Variants in PCDH9 observed in about 807,000 individuals in gnomAD.
PCDH9 encodes protocadherin 9.
In PCDH9, 24 loss-of-function variants were observed where a neutral mutation model predicts 70.6. That is an observed-to-expected ratio of 0.34 (90% CI 0.25 to 0.48). PCDH9 has a LOEUF of 0.48. Ranked by LOEUF, PCDH9 falls within the 20% of genes least tolerant of loss-of-function variation. The pLI is 0.99. For missense variants in PCDH9, 1,281 were observed against 1,503.6 expected (o/e 0.85, Z 2.45); for synonymous variants, 562 against 558.5 (o/e 1.01, Z -0.09).
intron 4 of PCDH9, among the ~76,000 whole-genome samples, chr13:66,459,874 T>C (rs1038755813): frequency 2.0e-5 from 3 of 151,938 alleles, no homozygotes; most frequent in Admixed American, 6.6e-5. Context: ...ACACAGCTCA[T>C]AACAAAGTGG....
chr13:66,337,217 T>G (rs1451418599), intron 4 of PCDH9, among the ~76,000 whole-genome samples: 2 of 152,038 alleles, frequency 1.3e-5, no homozygotes, highest in Admixed American at 1.3e-4. Context: ...AAAAATAACA[T>G]GAGGTCAAAA....
At chr13:66,894,464 T>C (rs1267285699) in intron 3 of PCDH9, among the ~76,000 whole-genome samples, 2 of 152,310 alleles carry the variant, frequency 1.3e-5, no homozygotes, top group East Asian at 3.9e-4. Context: ...GCATAATTTT[T>C]TTTATTTCAT....
At position 66,452,650 on chromosome 13, in the gene PCDH9, A is replaced by C. The variant is rs974718163; in HGVS notation, c.3341-147622T>G. Among the ~76,000 whole-genome samples the C allele has an allele frequency of 3.3e-5, 5 of 152,084 alleles. No individual in the cohort carries two copies. The East Asian group carries it at 9.7e-4, about 29-fold the overall frequency. The stretch of plus-strand genomic sequence containing the variant: ...CTCAGATTACCAGTTCTATGACACC[A>C]TTCTCCTGAATCCAAGAATGCAATT... On this transcript the variant is annotated intron_variant, in intron 4 of 4. Coordinates refer to ENST00000377865, the MANE Select transcript of PCDH9 (RefSeq NM_203487.3).
At chr13:66,691,705 T>A (rs1377871051) in intron 3 of PCDH9, among the ~76,000 whole-genome samples, 1 of 152,186 alleles carries the variant, frequency 6.6e-6, no homozygotes, top group Non-Finnish European at 1.5e-5. Flanking sequence ...ATTTTTTACC[T>A]ATTGAAATTG....
intron 3 of PCDH9, among the ~76,000 whole-genome samples, chr13:66,717,428 G>A (rs2078879103): frequency 8.6e-6 from 1 of 115,884 alleles, no homozygotes; most frequent in African/African-American, 3.4e-5. Flanking sequence ...CTCCAGCCTG[G>A]GTGACAGAGC....
At chr13:66,740,081 T>G (rs1245638163) in intron 3 of PCDH9, among the ~76,000 whole-genome samples, 2 of 146,992 alleles carry the variant, frequency 1.4e-5, no homozygotes, top group African/African-American at 2.5e-5. Context: ...ATTGACCACA[T>G]AGTTGGAAGT....
chr13:66,500,145 G>A (rs1406177280), intron 4 of PCDH9, among the ~76,000 whole-genome samples: 1 of 152,108 alleles, frequency 6.6e-6, no homozygotes, highest in Admixed American at 6.5e-5. Flanking sequence ...AGATAATATA[G>A]CATTAATAAA....
intron 2 of PCDH9, among the ~76,000 whole-genome samples, chr13:66,958,638 T>A (rs2083298625): frequency 6.6e-6 from 1 of 152,174 alleles, no homozygotes. Context: ...ACTAGGACAG[T>A]CTATTCATTG....
At position 66,965,872 on chromosome 13, in the gene PCDH9, A is replaced by T. The variant is rs534838259; in HGVS notation, c.3037-62267T>A. Among the ~76,000 whole-genome samples, 539 of 152,084 alleles carry T rather than the reference A, an allele frequency of 3.5e-3. 1 individual carries two copies. Among genetic ancestry groups the T allele is most frequent in the Non-Finnish European group, 6.2e-3 (419 of 67,982 alleles). On this transcript the variant is annotated intron_variant, in intron 2 of 4. Transcript: ENST00000377865. ...GTGATGTAAATTCTTATCTAAAAAT[A>T]TTTTATATATATTTCTTTAAAACAT... is the stretch of plus-strand genomic sequence containing the variant.
rs117290009 is a variant in PCDH9, at chr13:66,633,103, A to G, written c.3139-1692T>C. Among the ~76,000 whole-genome samples the G allele has an allele frequency of 4.2e-3, 632 of 152,274 alleles. 19 individuals are homozygous for G. The East Asian group carries it at 0.08, about 19-fold the overall frequency. The stretch of plus-strand genomic sequence containing the variant: ...GGTTCAAATCCAATTCAGAGTCATA[A>G]TGGAGTAGAGATGATATCACTTTAC... On this transcript the variant is annotated intron_variant, in intron 3 of 4. Transcript: ENST00000377865.
intron 4 of PCDH9, among the ~76,000 whole-genome samples, chr13:66,506,944 G>T (rs1959225077): frequency 6.6e-6 from 1 of 152,234 alleles, no homozygotes; most frequent in African/African-American, 2.4e-5. Context: ...CTGGAAGGTT[G>T]TAACAAATGA....
At chr13:66,750,251 A>C (rs547274316) in intron 3 of PCDH9, among the ~76,000 whole-genome samples, 4 of 152,340 alleles carry the variant, frequency 2.6e-5, no homozygotes, top group South Asian at 4.1e-4. Context: ...TCACATTTAA[A>C]ATTAGTTAAT....
intron 3 of PCDH9, among the ~76,000 whole-genome samples, chr13:66,829,409 G>T (rs2080883771): frequency 6.6e-6 from 1 of 152,026 alleles, no homozygotes; most frequent in Non-Finnish European, 1.5e-5. Flanking sequence ...CAAAAAATAT[G>T]GGGACAAAAA....
chr13:67,195,714 T>C (rs2089045731), intron 2 of PCDH9, among the ~76,000 whole-genome samples: 1 of 152,050 alleles, frequency 6.6e-6, no homozygotes, highest in East Asian at 1.9e-4. Context: ...TTAAAAGTAA[T>C]AATAAAAATG....
intron 3 of PCDH9, among the ~76,000 whole-genome samples, chr13:66,674,355 GA>G (rs1174196717): frequency 1.3e-5 from 2 of 151,926 alleles, no homozygotes; most frequent in East Asian, 3.9e-4. Flanking sequence ...AGTATAAACT[GA>G]AAAGAACAAT....
chr13:66,428,805 A>T (rs771240720), intron 4 of PCDH9, among the ~76,000 whole-genome samples: 1 of 151,824 alleles, frequency 6.6e-6, no homozygotes, highest in Non-Finnish European at 1.5e-5. Context: ...TATTTAAATC[A>T]ACAAAAATGG....
chr13:66,747,843 C>T (rs1187490693), intron 3 of PCDH9, among the ~76,000 whole-genome samples: 1 of 152,048 alleles, frequency 6.6e-6, no homozygotes, highest in Non-Finnish European at 1.5e-5. Flanking sequence ...AAAAATATGA[C>T]AATAATTTAT....
At chr13:67,016,730 T>C (rs79916091) in intron 2 of PCDH9, among the ~76,000 whole-genome samples, 15,842 of 152,238 alleles carry the variant, frequency 0.1, 910 homozygotes, top group Middle Eastern at 0.15. Context: ...TACAAGCACA[T>C]TTGACTTGTT....
chr13:66,727,922 G>A (rs536383151), intron 3 of PCDH9, among the ~76,000 whole-genome samples: 119 of 152,182 alleles, frequency 7.8e-4, no homozygotes, highest in African/African-American at 2.7e-3. Context: ...CTAAGATGTC[G>A]TAGTGGCAAA....
Sources: gnomAD v4.1 joint callset for allele counts (sites outside exome capture counted in the v4.1 genomes callset) on GRCh38, gnomAD v4.1.1 for gene constraint, MANE v1.5 for transcripts, NCBI Gene and HGNC (gene_info 2026-07-23, HGNC 2026-07-21) for gene names.